SMCO2: variants seen among roughly 807,000 people sequenced by gnomAD.
SMCO2 encodes the protein single-pass membrane protein with coiled-coil domains 2, also known as single-pass membrane and coiled-coil domain-containing protein 2.
SMCO2 carries 25 observed loss-of-function variants against 29.5 expected under a neutral mutation model. The ratio of observed to expected loss-of-function variants is 0.85; its 90% CI spans 0.62 to 1.18. The LOEUF (loss-of-function observed/expected upper bound fraction) is 1.18. SMCO2 is among the 50% of genes most tolerant of loss of function. SMCO2 has a pLI of 0.00. For missense variants in SMCO2, 348 were observed against 344.5 expected (o/e 1.01, Z -0.08); for synonymous variants, 117 against 123.3 (o/e 0.95, Z 0.34).
At chr12:27,460,587 G>T in the SMCO2 span, among the ~76,000 whole-genome samples, 1 of 152,254 alleles carries the variant, frequency 6.6e-6, no homozygotes, top group East Asian at 1.9e-4. Flanking sequence ...CTGAGGAGGA[G>T]AAGCCGGGGG....
At chr12:27,474,681 CTA>C in intron 3 of SMCO2, 103 bp from the exon 4 acceptor site, 1 of 1,313,028 alleles carries the variant, frequency 7.6e-7, no homozygotes, top group Non-Finnish European at 1.0e-6. Context: ...TCAGAGAGGA[CTA>C]TGTGCTTGAC....
chr12:27,464,594 G>A (rs974950326), upstream of SMCO2, among the ~76,000 whole-genome samples: 1 of 151,468 alleles, frequency 6.6e-6, no homozygotes, highest in Non-Finnish European at 1.5e-5. Context: ...GCGCATGCTT[G>A]CAGTCCCAGC....
intron 4 of SMCO2, among the ~76,000 whole-genome samples, chr12:27,481,924 G>A (rs1949646637): frequency 6.6e-6 from 1 of 150,444 alleles, no homozygotes; most frequent in Non-Finnish European, 1.5e-5. Flanking sequence ...TACATTTTTT[G>A]GTTTGCTAAA....
intron 4 of SMCO2, among the ~76,000 whole-genome samples, chr12:27,486,057 T>C (rs1185503474): frequency 6.6e-6 from 1 of 152,028 alleles, no homozygotes; most frequent in Non-Finnish European, 1.5e-5. Flanking sequence ...ATTATAAGAG[T>C]TTTCCACTCT....
chr12:27,485,176 A>G (rs779257555), intron 4 of SMCO2, among the ~76,000 whole-genome samples: 4 of 150,806 alleles, frequency 2.7e-5, no homozygotes, highest in African/African-American at 7.3e-5. Context: ...CAGACTTTCT[A>G]TCACTATATC....
At chr12:27,473,720 G>A (rs974345035) in intron 3 of SMCO2, among the ~76,000 whole-genome samples, 9 of 152,106 alleles carry the variant, frequency 5.9e-5, no homozygotes, top group African/African-American at 1.2e-4. Flanking sequence ...AGTAGTTTAC[G>A]CAGACATTTA....
intron 6 of SMCO2, 60 bp downstream of exon 7, chr12:27,494,416 C>G: frequency 8.1e-7 from 1 of 1,236,264 alleles, no homozygotes; most frequent in Non-Finnish European, 1.1e-6. Flanking sequence ...TGTCTAAATA[C>G]AGGGGTCATT....
intron 7 of SMCO2, among the ~76,000 whole-genome samples, chr12:27,501,435 AAACAAACAAACAAAAC>A: frequency 8.2e-6 from 1 of 122,336 alleles, no homozygotes; most frequent in Admixed American, 7.9e-5. Context: ...AAAAAAAAAA[AAACAAACAAACAAAAC>A]AAAACAAAAA....
chr12:27,494,490 A>T (rs1019620576), intron 6 of SMCO2, 134 bp downstream of exon 7: 6 of 104,906 alleles, frequency 5.7e-5, no homozygotes, highest in Admixed American at 1.1e-4. Context: ...AATTTAATTT[A>T]TTATTATTAT....
chr12:27,494,318 G>T (rs1037128846), exon 6 of SMCO2: 1 of 1,520,678 alleles, frequency 6.6e-7, no homozygotes. Flanking sequence ...TTGTAATGAA[G>T]TTTATGAATT....
At chr12:27,479,104 A>T (rs1328119841) in intron 4 of SMCO2, among the ~76,000 whole-genome samples, 1 of 152,192 alleles carries the variant, frequency 6.6e-6, no homozygotes, top group African/African-American at 2.4e-5. Flanking sequence ...GGAGCAAGTC[A>T]GTCCCCAGGC....
At chr12:27,497,897 G>T in intron 7 of SMCO2, 1 of 351,340 alleles carries the variant, frequency 2.8e-6, no homozygotes, top group South Asian at 3.2e-5. Flanking sequence ...TCAAAAGATT[G>T]GTTGGTATGA....
intron 4 of SMCO2, among the ~76,000 whole-genome samples, chr12:27,477,955 T>G (rs1302517181): frequency 6.6e-6 from 1 of 152,208 alleles, no homozygotes; most frequent in Non-Finnish European, 1.5e-5. Context: ...CCTTTGGAGA[T>G]GTCATGTTTC....
upstream of SMCO2, among the ~76,000 whole-genome samples, chr12:27,466,344 G>A (rs924896457): frequency 8.5e-5 from 13 of 152,142 alleles, no homozygotes; most frequent in Admixed American, 5.2e-4. Context: ...CCCTGGAAGC[G>A]GAGGTTGCAG....
intron 3 of SMCO2, 83 bp downstream of exon 3, chr12:27,472,958 G>A: frequency 4.1e-6 from 4 of 974,336 alleles, no homozygotes; most frequent in Non-Finnish European, 6.2e-6. Context: ...ATATCTTAAA[G>A]TGGTAAGAAA....
chr12:27,440,159 A>T, the SMCO2 span, among the ~76,000 whole-genome samples: 1 of 152,224 alleles, frequency 6.6e-6, no homozygotes, highest in Non-Finnish European at 1.5e-5. Context: ...AGACCTCTCA[A>T]CAGAAACCAC....
intron 1 of SMCO2, among the ~76,000 whole-genome samples, chr12:27,468,648 C>T (rs1382688386): frequency 6.6e-6 from 1 of 152,198 alleles, no homozygotes; most frequent in Admixed American, 6.5e-5. Flanking sequence ...ACATTTTCAT[C>T]AACACAGGAA....
At chr12:27,470,878 T>C (rs977916324) in intron 2 of SMCO2, 113 bp downstream of exon 2, 7 of 1,208,832 alleles carry the variant, frequency 5.8e-6, no homozygotes, top group African/African-American at 3.1e-5. Flanking sequence ...AGGTTGACAG[T>C]CTTCACTATA....
chr12:27,481,462 A>G lies in SMCO2; in HGVS notation c.362+6549A>G, dbSNP rs75390362. 7.4e-3 allele frequency among the ~76,000 whole-genome samples: 1,121 copies of G among 152,264 alleles called. 14 individuals are homozygous for G. Among genetic ancestry groups the G allele is most frequent in the African/African-American group, 0.025 (1,054 of 41,546 alleles). On this transcript the variant is annotated intron_variant, in intron 4 of 7. Coordinates refer to ENST00000298876, the Ensembl canonical transcript of SMCO2. The stretch of plus-strand genomic sequence containing the variant: ...TCTTTTCTTGTAATGTCTAGTTTTA[A>G]TATCAGAATAACACTTGCCATGTAG...
Sources: allele counts gnomAD v4.1 joint callset (sites outside exome capture counted in the v4.1 genomes callset), GRCh38; gene constraint gnomAD v4.1.1; transcripts MANE v1.5; gene names NCBI Gene and HGNC (gene_info 2026-07-23, HGNC 2026-07-21).